SGCD: variants seen among roughly 807,000 people sequenced by gnomAD.
The protein encoded by SGCD is delta-sarcoglycan.
Under a neutral mutation model 36.6 loss-of-function variants are expected in SGCD, and 18 were observed. That is an observed-to-expected ratio of 0.49 (90% CI 0.34 to 0.73). SGCD has a LOEUF of 0.73. Among genes scored for constraint, SGCD ranks in the 30% least tolerant of loss-of-function variants. SGCD has a pLI of 0.01. For missense variants in SGCD, 387 were observed against 346.7 expected, an observed-to-expected ratio of 1.12 and a Z score of -0.92; for synonymous variants, 133 against 130.6, an observed-to-expected ratio of 1.02 and a Z score of -0.12.
intron 3 of SGCD, among the ~76,000 whole-genome samples, chr5:156,219,649 T>C (rs1581175763): frequency 1.3e-5 from 2 of 152,328 alleles, no homozygotes; most frequent in East Asian, 3.9e-4. Context: ...ATTGAGGTCA[T>C]ACTAAAAATA....
At chr5:155,828,709 CAG>C in the SGCD span, among the ~76,000 whole-genome samples, 1 of 151,392 alleles carries the variant, frequency 6.6e-6, no homozygotes. Context: ...TTTTTTGAGA[CAG>C]AGTCTTGCTC....
chr5:156,144,585 G>A (rs1762667411), intron 3 of SGCD, among the ~76,000 whole-genome samples: 1 of 152,186 alleles, frequency 6.6e-6, no homozygotes, highest in Non-Finnish European at 1.5e-5. Flanking sequence ...TGATGGGGTT[G>A]TTTGTTTTTT....
chr5:156,573,829 G>C (rs1404903839), intron 4 of SGCD, among the ~76,000 whole-genome samples: 2 of 152,020 alleles, frequency 1.3e-5, no homozygotes, highest in Non-Finnish European at 2.9e-5. Context: ...CAGTAGTTAG[G>C]ACTATAAGCA....
the SGCD span, among the ~76,000 whole-genome samples, chr5:155,817,518 G>A: frequency 6.6e-6 from 1 of 151,680 alleles, no homozygotes; most frequent in South Asian, 2.1e-4. Context: ...TTTCTTGTGT[G>A]GGTGATTATT....
At chr5:156,431,078 A>C (rs1049644627) in intron 3 of SGCD, among the ~76,000 whole-genome samples, 3 of 152,096 alleles carry the variant, frequency 2.0e-5, no homozygotes, top group Non-Finnish European at 2.9e-5. Context: ...GGAGCTCTCA[A>C]TTAGATGTGC....
rs372396504 is a variant in SGCD at position 155,874,924 on chromosome 5, A to G, written c.-282+4500A>G. ...TTGTCCTCCTAGGTATTTAGCCAAG[A>G]GTAAAGAAAGCGTATGTCCACATAA... On this transcript the variant is annotated intron_variant, in intron 1 of 9. Coordinates refer to the SGCD transcript ENST00000517913. Among the ~76,000 whole-genome samples the G allele has an allele frequency of 2.9e-4, 44 of 152,258 alleles. 1 individual carries two copies. The highest frequency in any genetic ancestry group is 9.9e-4 in the African/African-American group (41 of 41,568).
At chr5:156,558,945 C>T (rs974327220) in intron 4 of SGCD, among the ~76,000 whole-genome samples, 1 of 152,084 alleles carries the variant, frequency 6.6e-6, no homozygotes, top group African/African-American at 2.4e-5. Context: ...ATTAACAGGA[C>T]ATTAGAAGGC....
In SGCD at chr5:156,405,479, C is replaced by T. The variant is rs144209211; in HGVS notation, c.192+60802C>T. 3.4e-3 allele frequency among the ~76,000 whole-genome samples: 521 copies of T among 152,246 alleles called. 1 individual carries two copies. The highest frequency in any genetic ancestry group is 3.0e-3 in the Non-Finnish European group (206 of 68,008). On this transcript the variant is annotated intron_variant, in intron 3 of 8. Coordinates refer to ENST00000337851, the MANE Select transcript of SGCD (RefSeq NM_000337.6). Reference sequence around the variant, plus strand: ...CTTCCTTATTTAGCAAAAAAGTTTACAAACCCATGTCAACTCTCCCTGCCT... The same window carrying T: ...CTTCCTTATTTAGCAAAAAAGTTTATAAACCCATGTCAACTCTCCCTGCCT...
At chr5:156,752,946 T>C (rs1341048483) in intron 7 of SGCD, among the ~76,000 whole-genome samples, 1 of 152,008 alleles carries the variant, frequency 6.6e-6, no homozygotes, top group Admixed American at 6.6e-5. Flanking sequence ...ACTTACAGCT[T>C]TCTCATGGGT....
chr5:156,254,844 C>T (rs1561586434), intron 3 of SGCD, among the ~76,000 whole-genome samples: 1 of 152,076 alleles, frequency 6.6e-6, no homozygotes. Context: ...AAGACCCTGC[C>T]TCTTAAATAA....
chr5:155,890,881 T>A (rs1409800966), intron 1 of SGCD, among the ~76,000 whole-genome samples: 2 of 151,802 alleles, frequency 1.3e-5, no homozygotes, highest in African/African-American at 4.8e-5. Context: ...AGAATAAGAG[T>A]TCAGTCGGCC....
At chr5:155,828,477 G>A in the SGCD span, among the ~76,000 whole-genome samples, 4 of 152,228 alleles carry the variant, frequency 2.6e-5, no homozygotes, top group Middle Eastern at 3.4e-3. Flanking sequence ...ATTCTGTTAA[G>A]AAAATATCTT....
intron 3 of SGCD, among the ~76,000 whole-genome samples, chr5:156,484,486 T>G (rs576457445): frequency 6.6e-6 from 1 of 152,362 alleles, no homozygotes; most frequent in African/African-American, 2.4e-5. Flanking sequence ...ACTGCAATAC[T>G]CTGTAAAAGA....
chr5:156,167,397 T>C (rs533065049), intron 3 of SGCD, among the ~76,000 whole-genome samples: 14 of 152,338 alleles, frequency 9.2e-5, no homozygotes, highest in Middle Eastern at 3.4e-3. Context: ...GTGTATCTCC[T>C]AGTACCTCCA....
At chr5:156,126,037 C>T (rs943740340) in intron 3 of SGCD, among the ~76,000 whole-genome samples, 26 of 151,866 alleles carry the variant, frequency 1.7e-4, no homozygotes, top group African/African-American at 6.0e-4. Flanking sequence ...GCCACCACGC[C>T]TGGCTAATAT....
At chr5:156,510,910 A>T (rs1305223687) in intron 4 of SGCD, among the ~76,000 whole-genome samples, 8 of 152,232 alleles carry the variant, frequency 5.3e-5, no homozygotes, top group Non-Finnish European at 2.9e-5. Context: ...TACTGGGTGC[A>T]TCTGTTGGGT....
At chr5:156,348,145 A>T (rs1425177378) in intron 3 of SGCD, among the ~76,000 whole-genome samples, 1 of 152,066 alleles carries the variant, frequency 6.6e-6, no homozygotes, top group African/African-American at 2.4e-5. Context: ...GTGGGGAAAG[A>T]ATGAGGTATT....
chr5:156,081,811 A>G (rs1228228720), intron 1 of SGCD, among the ~76,000 whole-genome samples: 1 of 152,228 alleles, frequency 6.6e-6, no homozygotes, highest in African/African-American at 2.4e-5. Context: ...AATAATAAGG[A>G]GAAAAATCAT....
intron 4 of SGCD, among the ~76,000 whole-genome samples, chr5:156,519,204 C>T (rs546375007): frequency 1.3e-5 from 2 of 152,128 alleles, no homozygotes; most frequent in East Asian, 3.9e-4. Flanking sequence ...ACTATAAACA[C>T]CTCTATGCAT....
Sources: allele counts gnomAD v4.1 joint callset (sites outside exome capture counted in the v4.1 genomes callset), GRCh38; gene constraint gnomAD v4.1.1; transcripts MANE v1.5; gene names NCBI Gene and HGNC (gene_info 2026-07-23, HGNC 2026-07-21).